ADAMTS12: variants seen among roughly 807,000 people sequenced by gnomAD.
ADAMTS12 encodes the protein ADAM metallopeptidase with thrombospondin type 1 motif 12.
In ADAMTS12, 118 loss-of-function variants were observed where a neutral mutation model predicts 167.8. The observed-to-expected ratio is 0.70, with a 90% confidence interval of 0.61 to 0.82. ADAMTS12 has a LOEUF of 0.82. ADAMTS12 is among the 40% of genes least tolerant of loss of function. The pLI is 0.00. For missense variants in ADAMTS12, 1,916 were observed against 1,998.8 expected (o/e 0.96, Z 0.79); for synonymous variants, 704 against 716.9 (o/e 0.98, Z 0.29).
At chr5:33,625,671 A>G (rs1288570854) in intron 13 of ADAMTS12, among the ~76,000 whole-genome samples, 2 of 152,224 alleles carry the variant, frequency 1.3e-5, no homozygotes, top group Non-Finnish European at 2.9e-5. Flanking sequence ...TTATATTTCT[A>G]AAGTAATATT....
At chr5:33,790,782 C>CATATATATATATAT (rs10622464) in intron 2 of ADAMTS12, among the ~76,000 whole-genome samples, 125 of 134,004 alleles carry the variant, frequency 9.3e-4, no homozygotes, top group African/African-American at 3.2e-3. Context: ...GACATACAAA[C>CATATATATATATAT]ATATATATAT....
intron 2 of ADAMTS12, among the ~76,000 whole-genome samples, chr5:33,855,798 A>AT (rs1189262718): frequency 1.3e-5 from 2 of 152,148 alleles, no homozygotes; most frequent in Non-Finnish European, 2.9e-5. Context: ...ATCACAGCTC[A>AT]TTGCAGCCTT....
intron 16 of ADAMTS12, among the ~76,000 whole-genome samples, chr5:33,605,081 G>C (rs1317330744): frequency 1.3e-5 from 2 of 152,156 alleles, no homozygotes; most frequent in Non-Finnish European, 2.9e-5. Context: ...CTTGTTATAT[G>C]TTCTTTGTCG....
At chr5:33,572,050 A>T (rs940245364) in intron 19 of ADAMTS12, among the ~76,000 whole-genome samples, 1 of 152,188 alleles carries the variant, frequency 6.6e-6, no homozygotes, top group Non-Finnish European at 1.5e-5. Context: ...TAAACCAGGA[A>T]GAAGTTGAAT....
At chr5:33,619,669 A>G (rs1212766861) in intron 14 of ADAMTS12, among the ~76,000 whole-genome samples, 1 of 147,102 alleles carries the variant, frequency 6.8e-6, no homozygotes, top group Non-Finnish European at 1.5e-5. Context: ...GTATGTATGC[A>G]TGTATGTATG....
rs562242813 is a variant in ADAMTS12 at position 33,533,090 on chromosome 5, G to A, written c.4606+1743C>T. Among the ~76,000 whole-genome samples, 5 of 152,226 alleles carry A rather than the reference G, an allele frequency of 3.3e-5. 1 individual carries two copies. The highest frequency in any genetic ancestry group is 4.1e-4 in the South Asian group (2 of 4,824). ...CACATCAATTGCCAGCCAACTATTCGTCGCCATTTATTCTGTGTGAGATTT... is the reference window on the plus strand; with the variant it reads ...CACATCAATTGCCAGCCAACTATTCATCGCCATTTATTCTGTGTGAGATTT... On this transcript the variant is annotated intron_variant, in intron 23 of 23. Coordinates refer to ENST00000504830, the MANE Select transcript of ADAMTS12 (RefSeq NM_030955.4).
intron 14 of ADAMTS12, among the ~76,000 whole-genome samples, chr5:33,620,435 T>C (rs1038387920): frequency 1.4e-4 from 21 of 152,234 alleles, no homozygotes; most frequent in African/African-American, 4.6e-4. Context: ...TATCCTCACA[T>C]GGAAATGATT....
intron 23 of ADAMTS12, among the ~76,000 whole-genome samples, chr5:33,534,627 A>G (rs941705729): frequency 5.3e-5 from 8 of 152,362 alleles, no homozygotes; most frequent in Middle Eastern, 3.4e-3. Context: ...TAATAAAAAA[A>G]GAAAAATGGA....
intron 2 of ADAMTS12, among the ~76,000 whole-genome samples, chr5:33,804,041 T>A (rs1747120907): frequency 6.6e-6 from 1 of 152,154 alleles, no homozygotes; most frequent in Non-Finnish European, 1.5e-5. Context: ...TAGGCCTTAA[T>A]TTTCTCATTA....
intron 2 of ADAMTS12, among the ~76,000 whole-genome samples, chr5:33,751,868 T>C (rs1474627672): frequency 6.6e-6 from 1 of 152,236 alleles, no homozygotes; most frequent in Non-Finnish European, 1.5e-5. Flanking sequence ...GCTGGATATC[T>C]ATGGATCCCA....
chr5:33,528,373 G>A (rs1743922324), intron 23 of ADAMTS12, among the ~76,000 whole-genome samples: 2 of 152,170 alleles, frequency 1.3e-5, no homozygotes, highest in South Asian at 4.1e-4. Context: ...ACTAAGGAAC[G>A]TGAGTTTTGG....
intron 1 of ADAMTS12, among the ~76,000 whole-genome samples, chr5:33,881,847 T>TA (rs1250419361): frequency 6.6e-6 from 1 of 151,726 alleles, no homozygotes; most frequent in Non-Finnish European, 1.5e-5. Context: ...GTGCTAGAAT[T>TA]ACAGGTGTGA....
At chr5:33,534,765 A>C in intron 23 of ADAMTS12, 68 bp downstream of exon 23, 1 of 1,528,020 alleles carries the variant, frequency 6.5e-7, no homozygotes. Context: ...AGCTATCTAC[A>C]AGTTGTATCA....
chr5:33,808,938 A>G (rs942785556), intron 2 of ADAMTS12, among the ~76,000 whole-genome samples: 2 of 152,204 alleles, frequency 1.3e-5, no homozygotes, highest in South Asian at 2.1e-4. Flanking sequence ...TCTCAGCACT[A>G]TGATAAACTT....
chr5:33,803,832 G>T (rs1202782376), intron 2 of ADAMTS12, among the ~76,000 whole-genome samples: 1 of 152,102 alleles, frequency 6.6e-6, no homozygotes, highest in Non-Finnish European at 1.5e-5. Flanking sequence ...CACAAGAACA[G>T]CATGGGAAAA....
chr5:33,677,647 A>C (rs1741968781), intron 5 of ADAMTS12, among the ~76,000 whole-genome samples: 2 of 152,208 alleles, frequency 1.3e-5, no homozygotes, highest in South Asian at 2.1e-4. Flanking sequence ...TGGGCCATAA[A>C]ATGAAAATCA....
At position 33,649,573 on chromosome 5, in the gene ADAMTS12, A is replaced by C. The variant is rs150881131; in HGVS notation, c.1315T>G (p.Tyr439Asp). Residue 439 changes from tyrosine to aspartate, a missense_variant, in exon 8 of 24, where the codon TAC becomes GAC. By Grantham distance (160) the Tyr-to-Asp change is radical (BLOSUM62 -3). Transcript: ENST00000504830. ...PLTWSKCSEE[Y>D]ITRFLDRGWG... Reference sequence around the variant, plus strand: ...ACTTACTCCAAGAAGCGGGTGATGTACTCCTCGCTGCACTTGGACCATGTC... The same window carrying C: ...ACTTACTCCAAGAAGCGGGTGATGTCCTCCTCGCTGCACTTGGACCATGTC... The C allele has an allele frequency of 1.9e-5, 31 of 1,613,562 alleles. No homozygotes were observed. The African/African-American group carries it at 3.7e-4, about 19-fold the overall frequency.
chr5:33,651,822 G>A (rs892935946), intron 7 of ADAMTS12, among the ~76,000 whole-genome samples: 1 of 152,090 alleles, frequency 6.6e-6, no homozygotes, highest in African/African-American at 2.4e-5. Flanking sequence ...GGAGTCCCCA[G>A]TGTCTATAAT....
At chr5:33,753,519 C>T (rs1745071492) in intron 2 of ADAMTS12, among the ~76,000 whole-genome samples, 1 of 152,098 alleles carries the variant, frequency 6.6e-6, no homozygotes, top group African/African-American at 2.4e-5. Context: ...AGCAGAAGTC[C>T]AGGAGTCCTC....
Sources: gnomAD v4.1 joint callset for allele counts (sites outside exome capture counted in the v4.1 genomes callset) on GRCh38, gnomAD v4.1.1 for gene constraint, MANE v1.5 for transcripts, NCBI Gene and HGNC (gene_info 2026-07-23, HGNC 2026-07-21) for gene names.